The following CCDC175 variants were observed in gnomAD, a reference collection of about 807,000 sequenced individuals.
CCDC175 encodes the protein coiled-coil domain containing 175.
A neutral mutation model predicts 114.6 loss-of-function variants in CCDC175; 100 were observed. That is an observed-to-expected ratio of 0.87 (90% CI 0.74 to 1.03). The LOEUF (loss-of-function observed/expected upper bound fraction) is 1.03, where lower values mean the gene tolerates loss of function less well. Among genes scored for constraint, CCDC175 ranks in the 50% least tolerant of loss-of-function variants. The pLI is 0.00. For synonymous variants in CCDC175, 306 were observed against 308.7 expected, an observed-to-expected ratio of 0.99 and a Z score of 0.09; for missense variants, 880 against 917.8, an observed-to-expected ratio of 0.96 and a Z score of 0.53.
chr14:59,555,605 T>C (rs2140088415), intron 7 of CCDC175, among the ~76,000 whole-genome samples: 2 of 152,298 alleles, frequency 1.3e-5, no homozygotes, highest in Middle Eastern at 3.4e-3. Flanking sequence ...GTGTTGGAAG[T>C]TCTAGCCAGG....
At position 59,544,808 on chromosome 14, in the gene CCDC175, T is replaced by G. The variant is rs1445485614; in HGVS notation, c.1172+355A>C. 2.0e-5 allele frequency among the ~76,000 whole-genome samples: 3 copies of G among 151,918 alleles called. 1 individual carries two copies. In the South Asian group the frequency reaches 6.3e-4, roughly 32 times the overall value. On this transcript the variant is annotated intron_variant, in intron 9 of 19. Transcript: ENST00000537690. ...TTAGGTTTGGATGAGGACATGAGGG[T>G]GGGACCTTATAAAAGAAAGACACCA... is the stretch of plus-strand genomic sequence containing the variant.
chr14:59,553,572 C>A (rs1419330709), intron 7 of CCDC175, among the ~76,000 whole-genome samples: 1 of 152,128 alleles, frequency 6.6e-6, no homozygotes, highest in Non-Finnish European at 1.5e-5. Flanking sequence ...AGCAAAATAA[C>A]CAGCTAACAT....
intron 17 of CCDC175, among the ~76,000 whole-genome samples, chr14:59,519,287 G>A (rs1178239024): frequency 1.3e-5 from 2 of 151,960 alleles, no homozygotes; most frequent in African/African-American, 4.8e-5. Context: ...TGCACATTGT[G>A]CACATGTACC....
intron 6 of CCDC175, among the ~76,000 whole-genome samples, chr14:59,561,966 G>A (rs1269533242): frequency 1.3e-5 from 2 of 152,188 alleles, no homozygotes; most frequent in East Asian, 3.9e-4. Flanking sequence ...ACAGCAATGT[G>A]GGATCAGAGA....
intron 9 of CCDC175, 44 bp downstream of exon 9, chr14:59,545,119 C>T (rs1443315609): frequency 2.0e-6 from 3 of 1,515,410 alleles, no homozygotes; most frequent in Non-Finnish European, 2.6e-6. Context: ...AAAAGCACCC[C>T]ATAATGATGG....
At chr14:59,576,347 G>A (rs568369932) in intron 1 of CCDC175, among the ~76,000 whole-genome samples, 1 of 152,320 alleles carries the variant, frequency 6.6e-6, no homozygotes, top group South Asian at 2.1e-4. Flanking sequence ...TAGGGCAGTG[G>A]CTTGGGAGTC....
At chr14:59,510,601 A>T in intron 19 of CCDC175, 45 bp downstream of exon 19, 1 of 1,528,608 alleles carries the variant, frequency 6.5e-7, no homozygotes, top group Non-Finnish European at 8.8e-7. Flanking sequence ...ATATAGTAAA[A>T]TAGCAGGAAG....
At chr14:59,556,074 T>C (rs1357591517) in intron 7 of CCDC175, among the ~76,000 whole-genome samples, 2 of 152,286 alleles carry the variant, frequency 1.3e-5, no homozygotes, top group African/African-American at 4.8e-5. Context: ...CCATCCCCAT[T>C]AAGCTACCAG....
In CCDC175 at chr14:59,576,601, G is replaced by A. The variant is rs1897136364; in HGVS notation, c.157+18C>T. On this transcript the variant is annotated intron_variant, in intron 1 of 19. Coordinates refer to ENST00000537690, the MANE Select transcript of CCDC175 (RefSeq NM_001164399.2). ...CCTCTGAGGAGACGTCCCTTCCAGCGCCCGAGGGGCGTCTTACCCACAACA... is the reference window on the plus strand; with the variant it reads ...CCTCTGAGGAGACGTCCCTTCCAGCACCCGAGGGGCGTCTTACCCACAACA... The A allele has an allele frequency of 7.1e-7, 1 of 1,408,722 alleles. No individual in the cohort carries two copies. The highest frequency in any genetic ancestry group is 3.0e-5 in the East Asian group (1 of 33,600). 87.3% of individuals were successfully genotyped at this position (1,408,722 alleles called of 1,614,324 possible). A position where few individuals can be genotyped will look rare whatever the true frequency, so the allele number is the denominator to read the frequency against.
At chr14:59,518,619 T>C (rs1189443793) in intron 17 of CCDC175, among the ~76,000 whole-genome samples, 1 of 152,134 alleles carries the variant, frequency 6.6e-6, no homozygotes, top group Non-Finnish European at 1.5e-5. Context: ...CACAATGAGA[T>C]ACCATCTCAC....
chr14:59,520,221 A>G lies in CCDC175; in HGVS notation c.2098+1353T>C, dbSNP rs1380716169. On this transcript the variant is annotated intron_variant, in intron 17 of 19. Coordinates refer to ENST00000537690, the MANE Select transcript of CCDC175 (RefSeq NM_001164399.2). ...AGTATACTCAACAACATTACTCATTAGAGAAGTACAAGTTACAATCACAAT... is the reference window on the plus strand; with the variant it reads ...AGTATACTCAACAACATTACTCATTGGAGAAGTACAAGTTACAATCACAAT... Among the ~76,000 whole-genome samples the G allele has an allele frequency of 7.2e-5, 11 of 152,262 alleles. No individual in the cohort carries two copies. The South Asian group carries it at 2.1e-3, about 29-fold the overall frequency.
At chr14:59,514,802 G>A (rs1892973568) in intron 17 of CCDC175, among the ~76,000 whole-genome samples, 1 of 152,086 alleles carries the variant, frequency 6.6e-6, no homozygotes, top group Non-Finnish European at 1.5e-5. Flanking sequence ...TTCAAATTCA[G>A]GAAATACAGA....
At chr14:59,537,589 G>A (rs1411492086) in intron 13 of CCDC175, among the ~76,000 whole-genome samples, 1 of 152,036 alleles carries the variant, frequency 6.6e-6, no homozygotes, top group Non-Finnish European at 1.5e-5. Flanking sequence ...TACTTTCAGT[G>A]GCTTTTCTCT....
intron 14 of CCDC175, among the ~76,000 whole-genome samples, chr14:59,528,843 C>G (rs1893898234): frequency 6.6e-6 from 1 of 152,036 alleles, no homozygotes; most frequent in Admixed American, 6.5e-5. Flanking sequence ...TGTTATTATA[C>G]TTTTAATTTC....
At chr14:59,518,014 C>A (rs533148674) in intron 17 of CCDC175, among the ~76,000 whole-genome samples, 3 of 152,100 alleles carry the variant, frequency 2.0e-5, no homozygotes, top group Non-Finnish European at 2.9e-5. Flanking sequence ...AGAAATAATG[C>A]CGCATATCTA....
At chr14:59,560,220 A>G (rs1027588380) in intron 7 of CCDC175, among the ~76,000 whole-genome samples, 1 of 152,160 alleles carries the variant, frequency 6.6e-6, no homozygotes, top group Admixed American at 6.6e-5. Context: ...AAGACCTATT[A>G]TAATTTTAAT....
chr14:59,522,127 G>A (rs947071352), intron 16 of CCDC175, among the ~76,000 whole-genome samples: 4 of 152,188 alleles, frequency 2.6e-5, no homozygotes, highest in African/African-American at 9.7e-5. Flanking sequence ...TGTTCACTGG[G>A]TTGGGTGCCA....
chr14:59,513,170 G>C (rs1892848559), intron 17 of CCDC175, among the ~76,000 whole-genome samples: 2 of 152,136 alleles, frequency 1.3e-5, no homozygotes, highest in African/African-American at 4.8e-5. Flanking sequence ...ATATAAAAAA[G>C]TTCACTTGAG....
intron 6 of CCDC175, among the ~76,000 whole-genome samples, chr14:59,562,212 GTCC>G (rs1341043364): frequency 6.6e-6 from 1 of 152,186 alleles, no homozygotes; most frequent in Non-Finnish European, 1.5e-5. Context: ...TTAGTCCTCA[GTCC>G]TCCTTGCCTG....
Sources: allele counts gnomAD v4.1 joint callset (sites outside exome capture counted in the v4.1 genomes callset), GRCh38; gene constraint gnomAD v4.1.1; transcripts MANE v1.5; gene names NCBI Gene and HGNC (gene_info 2026-07-23, HGNC 2026-07-21).